PLEKHA7: variants seen among roughly 807,000 people sequenced by gnomAD.
The protein encoded by PLEKHA7 is pleckstrin homology domain-containing family A member 7.
A neutral mutation model predicts 170.0 loss-of-function variants in PLEKHA7; 104 were observed. The observed-to-expected ratio is 0.61, with a 90% CI of 0.52 to 0.72. The LOEUF is 0.72. Among genes scored for constraint, PLEKHA7 ranks in the 30% least tolerant of loss-of-function variants. The pLI, the probability that PLEKHA7 is intolerant of heterozygous loss-of-function variation, is 0.00. For synonymous variants in PLEKHA7, 648 were observed against 660.8 expected, an observed-to-expected ratio of 0.98 and a Z score of 0.30; for missense variants, 1,615 against 1,671.7, an observed-to-expected ratio of 0.97 and a Z score of 0.59.
chr11:16,956,095 A>T (rs1861683937), intron 3 of PLEKHA7, among the ~76,000 whole-genome samples: 1 of 152,228 alleles, frequency 6.6e-6, no homozygotes, highest in Non-Finnish European at 1.5e-5. Flanking sequence ...TGTACTTTCC[A>T]CAGGGACCAG....
chr11:16,855,144 C>T (rs1402999148), intron 5 of PLEKHA7, 151 bp from the exon 6 acceptor site: 19 of 642,652 alleles, frequency 3.0e-5, no homozygotes, highest in South Asian at 2.5e-4. Context: ...AGGGAACGGG[C>T]GTGCACATGG....
chr11:16,850,576 A>C (rs969146876), intron 8 of PLEKHA7, among the ~76,000 whole-genome samples: 1 of 152,112 alleles, frequency 6.6e-6, no homozygotes, highest in South Asian at 2.1e-4. Flanking sequence ...TCCACACTGG[A>C]CCTCACAGGT....
At chr11:17,004,136 A>G (rs1427949728) in intron 3 of PLEKHA7, among the ~76,000 whole-genome samples, 1 of 152,230 alleles carries the variant, frequency 6.6e-6, no homozygotes, top group Non-Finnish European at 1.5e-5. Flanking sequence ...ATAAGAAAGG[A>G]TTACATAATA....
At chr11:16,973,436 C>CATGGTG (rs1468712187) in intron 3 of PLEKHA7, among the ~76,000 whole-genome samples, 2 of 152,208 alleles carry the variant, frequency 1.3e-5, no homozygotes, top group East Asian at 1.9e-4. Flanking sequence ...CATGCAACTG[C>CATGGTG]CTCAAACTCT....
intron 3 of PLEKHA7, among the ~76,000 whole-genome samples, chr11:16,946,163 AGCTCCTGG>A (rs1379871364): frequency 6.6e-6 from 1 of 152,144 alleles, no homozygotes; most frequent in Non-Finnish European, 1.5e-5. Context: ...TTCTGCTTCT[AGCTCCTGG>A]GCTCTTCCTG....
intron 12 of PLEKHA7, among the ~76,000 whole-genome samples, chr11:16,815,977 T>C (rs538746910): frequency 6.6e-6 from 1 of 152,228 alleles, no homozygotes; most frequent in South Asian, 2.1e-4. Context: ...TACATTTCCC[T>C]GATACGCTCT....
chr11:16,960,414 C>T (rs980266374), intron 3 of PLEKHA7, among the ~76,000 whole-genome samples: 2 of 152,192 alleles, frequency 1.3e-5, no homozygotes, highest in Admixed American at 6.5e-5. Flanking sequence ...TTTACTCAAA[C>T]GTTGCCTGAG....
chr11:16,972,575 T>G (rs1862789306), intron 3 of PLEKHA7, among the ~76,000 whole-genome samples: 1 of 152,222 alleles, frequency 6.6e-6, no homozygotes, highest in Middle Eastern at 3.4e-3. Flanking sequence ...CATGCCTGGC[T>G]ATTTTTTTCT....
intron 3 of PLEKHA7, 122 bp downstream of exon 3, chr11:17,013,867 C>G (rs1439850299): frequency 1.7e-6 from 2 of 1,171,412 alleles, no homozygotes; most frequent in Non-Finnish European, 2.2e-6. Flanking sequence ...GTGGCCGCGG[C>G]GCAGCGCGCG....
At chr11:16,862,504 G>A (rs1565033451) in intron 4 of PLEKHA7, among the ~76,000 whole-genome samples, 1 of 152,140 alleles carries the variant, frequency 6.6e-6, no homozygotes, top group Non-Finnish European at 1.5e-5. Flanking sequence ...CTAGCAGGAG[G>A]TAAAAGAAGA....
chr11:16,957,689 A>ATATTTTTTTTTTTTTTTTTTT (rs1420004461), intron 3 of PLEKHA7, among the ~76,000 whole-genome samples: 1 of 118,226 alleles, frequency 8.5e-6, no homozygotes. Flanking sequence ...TACCTCAATA[A>ATATTTTTTTTTTTTTTTTTTT]TTTTTTTCTT....
At chr11:16,786,417 T>A in intron 23 of PLEKHA7, 30 bp from the exon 24 acceptor site, 1 of 1,534,992 alleles carries the variant, frequency 6.5e-7, no homozygotes, top group Non-Finnish European at 8.7e-7. Context: ...TTAAACGTAG[T>A]CGCTTCCTGA....
chr11:16,786,424 C>A, intron 23 of PLEKHA7, 37 bp from the exon 24 acceptor site: 1 of 1,534,150 alleles, frequency 6.5e-7, no homozygotes, highest in Admixed American at 2.0e-5. Flanking sequence ...TAGTCGCTTC[C>A]TGATTGCTGA....
At chr11:16,918,421 G>C (rs902679142) in intron 3 of PLEKHA7, among the ~76,000 whole-genome samples, 4 of 152,166 alleles carry the variant, frequency 2.6e-5, no homozygotes, top group Non-Finnish European at 4.4e-5. Context: ...GTGGCTATAA[G>C]GGGCAACTGA....
In PLEKHA7 at chr11:16,851,071, C is replaced by T. The variant is rs138298204; in HGVS notation, c.696+120G>A. 267 of 636,554 alleles carry T rather than the reference C, an allele frequency of 4.2e-4. 1 individual carries two copies. In the East Asian group the frequency reaches 7.4e-3, roughly 18 times the overall value. 39.4% of individuals were successfully genotyped at this position (636,554 alleles called of 1,614,324 possible). ...TTAAATAACTTACAACTTTGTTAAC[C>T]GGAATCTGAAACTCTCTAGCTTCTT... On this transcript the variant is annotated intron_variant, in intron 8 of 26. Coordinates refer to ENST00000531066, the MANE Select transcript of PLEKHA7 (RefSeq NM_001329630.2).
chr11:17,009,106 T>C (rs1865176974), intron 3 of PLEKHA7, among the ~76,000 whole-genome samples: 1 of 152,156 alleles, frequency 6.6e-6, no homozygotes, highest in Non-Finnish European at 1.5e-5. Flanking sequence ...CAATGGCATA[T>C]GGGCATTCAT....
At chr11:16,880,472 C>A (rs1477374417) in intron 3 of PLEKHA7, among the ~76,000 whole-genome samples, 1 of 152,244 alleles carries the variant, frequency 6.6e-6, no homozygotes. Context: ...TTATCTTCTG[C>A]TAACTCTAAA....
chr11:16,895,948 C>A (rs563432497), intron 3 of PLEKHA7, among the ~76,000 whole-genome samples: 1 of 152,288 alleles, frequency 6.6e-6, no homozygotes, highest in South Asian at 2.1e-4. Context: ...GTCTCTTCTC[C>A]CCTATAAAAC....
intron 3 of PLEKHA7, among the ~76,000 whole-genome samples, chr11:16,940,503 G>T (rs369774760): frequency 5.3e-5 from 8 of 151,746 alleles, no homozygotes; most frequent in Admixed American, 6.6e-5. Context: ...TTGGCTGCTG[G>T]TCTTGAACTC....
Sources: allele counts gnomAD v4.1 joint callset (sites outside exome capture counted in the v4.1 genomes callset), GRCh38; gene constraint gnomAD v4.1.1; transcripts MANE v1.5; gene names NCBI Gene and HGNC (gene_info 2026-07-23, HGNC 2026-07-21).